Variants in NAXD observed in about 807,000 individuals in gnomAD.
The protein encoded by NAXD is ATP-dependent (S)-NAD(P)H-hydrate dehydratase.
A neutral mutation model predicts 35.8 loss-of-function variants in NAXD; 22 were observed. That is an observed-to-expected ratio of 0.62 (90% CI 0.44 to 0.88). NAXD has a LOEUF of 0.88. Among genes scored for constraint, NAXD ranks in the 40% least tolerant of loss-of-function variants. The pLI is 0.00. For missense variants in NAXD, 428 were observed against 437.7 expected (o/e 0.98, Z 0.20); for synonymous variants, 189 against 177.6 (o/e 1.06, Z -0.51).
chr13:110,630,640 C>T (rs1211342238), intron 5 of NAXD, among the ~76,000 whole-genome samples: 2 of 152,104 alleles, frequency 1.3e-5, no homozygotes, highest in Non-Finnish European at 2.9e-5. Context: ...ATGTTAAGAG[C>T]CTTATTGTTT....
At chr13:110,626,218 T>C (rs1010492432) in intron 4 of NAXD, among the ~76,000 whole-genome samples, 2 of 151,756 alleles carry the variant, frequency 1.3e-5, no homozygotes, top group African/African-American at 4.8e-5. Flanking sequence ...GGTAAGGACC[T>C]GTGGGAGGGA....
At position 110,622,338 on chromosome 13, in the gene NAXD, A is replaced by G; in HGVS notation, c.169A>G (p.Arg57Gly). Reference sequence around the variant, plus strand: ...CACAAAGCACAAAGGGCAAGATGGAAGAATAGGCGTAGTTGGAGGCTGTCA... The same window carrying G: ...CACAAAGCACAAAGGGCAAGATGGAGGAATAGGCGTAGTTGGAGGCTGTCA... ...SSTKHKGQDG[R>G]IGVVGGCQEY... The change falls in exon 2 of 10, where the codon AGA becomes GGA. Residue 57 changes from arginine (R) to glycine (G), a missense_variant. By Grantham distance (125) the Arg-to-Gly change is moderately radical. Around this residue, in one of 3 missense-constraint regions of NAXD, gnomAD observed 208 missense variants for 193.0 expected, o/e 1.08. Coordinates refer to ENST00000680254, the MANE Select transcript of NAXD (RefSeq NM_001242882.2). The G allele has an allele frequency of 3.1e-6, 5 of 1,614,220 alleles. No homozygotes were observed. The highest frequency in any genetic ancestry group is 4.2e-6 in the Non-Finnish European group (5 of 1,180,032).
intron 5 of NAXD, among the ~76,000 whole-genome samples, chr13:110,631,537 A>G (rs1160585231): frequency 5.3e-5 from 8 of 152,220 alleles, no homozygotes; most frequent in Non-Finnish European, 1.0e-4. Context: ...TAGGAGACCC[A>G]TGTAACATTG....
chr13:110,635,949 C>G (rs780103475), intron 8 of NAXD, among the ~76,000 whole-genome samples: 5 of 152,262 alleles, frequency 3.3e-5, no homozygotes, highest in Non-Finnish European at 5.9e-5. Context: ...GTGGCATCCA[C>G]CATCCATGCA....
Position 110,639,611 on chromosome 13 carries a change from G to A in NAXD, c.*1083G>A, listed in dbSNP as rs912512042. ...TCCTGGAGCGGCCTGACGTTGACGT[G>A]TTCTCTGGTCCCATGTCTTAGCGGG... On this transcript the variant is annotated 3_prime_UTR_variant, in exon 10 of 10. Transcript: ENST00000680254. 2.6e-5 allele frequency: 4 copies of A among 152,242 alleles called. No homozygotes were observed. Among genetic ancestry groups the A allele is most frequent in the African/African-American group, 7.2e-5 (3 of 41,444 alleles). The allele number at this position is 152,242 out of a possible 1,614,324, so 9.4% of individuals were successfully genotyped here. A position where few individuals can be genotyped will look rare whatever the true frequency, so the allele number is the denominator to read the frequency against.
chr13:110,625,462 G>GA (rs1886433695), intron 4 of NAXD, among the ~76,000 whole-genome samples, 184 bp downstream of exon 4: 1 of 152,256 alleles, frequency 6.6e-6, no homozygotes. Context: ...GACAGAGACG[G>GA]CGGGGTGGAG....
At chr13:110,620,737 G>A (rs1886235135) in intron 1 of NAXD, among the ~76,000 whole-genome samples, 1 of 152,216 alleles carries the variant, frequency 6.6e-6, no homozygotes. Context: ...AACTGTAAGA[G>A]TTAAAAGACA....
chr13:110,630,653 G>A (rs990955422), intron 5 of NAXD, among the ~76,000 whole-genome samples: 2 of 152,106 alleles, frequency 1.3e-5, no homozygotes, highest in African/African-American at 4.8e-5. Context: ...TATTGTTTTG[G>A]TTGTTACTTT....
chr13:110,618,683 T>C (rs1344941964), intron 1 of NAXD, among the ~76,000 whole-genome samples: 1 of 152,216 alleles, frequency 6.6e-6, no homozygotes, highest in African/African-American at 2.4e-5. Flanking sequence ...TGATATCTTA[T>C]CATTTTAACA....
At chr13:110,637,048 G>A in intron 8 of NAXD, 81 bp from the exon 9 acceptor site, 1 of 1,484,658 alleles carries the variant, frequency 6.7e-7, no homozygotes, top group Non-Finnish European at 8.9e-7. Flanking sequence ...TGCCTGCCGT[G>A]CGGCCTTCCA....
At chr13:110,624,713 C>T (rs1178832357) in intron 3 of NAXD, among the ~76,000 whole-genome samples, 3 of 152,252 alleles carry the variant, frequency 2.0e-5, no homozygotes, top group African/African-American at 7.2e-5. Context: ...CCATGCGCCT[C>T]GGCCTCCCGA....
intron 5 of NAXD, among the ~76,000 whole-genome samples, chr13:110,631,228 C>T (rs558136645): frequency 1.3e-5 from 2 of 152,290 alleles, no homozygotes; most frequent in Admixed American, 1.3e-4. Context: ...GAGACTTTTT[C>T]ATGGAAGGAT....
rs764210948 is a variant in NAXD at position 110,638,202 on chromosome 13, A to G, written c.840-176A>G. The G allele has an allele frequency of 7.9e-6, 12 of 1,524,726 alleles. 1 individual carries two copies. The Admixed American group carries it at 2.5e-4, about 32-fold the overall frequency. The allele number at this position is 1,524,726 out of a possible 1,614,324, so 94.4% of individuals were successfully genotyped here. On this transcript the variant is annotated intron_variant, in intron 9 of 9. Coordinates refer to ENST00000680254, the MANE Select transcript of NAXD (RefSeq NM_001242882.2). The surrounding 1 kb of genome is among the most constrained non-coding windows in gnomAD (Gnocchi z 5.4). ...TCCTGCCAGGGAGTAGTGGAGGGTT[A>G]ATGGTGGTTTTCGCTGTGATAAACC... is the stretch of plus-strand genomic sequence containing the variant.
In NAXD at chr13:110,637,109, C is replaced by T. The variant is rs1293536374; in HGVS notation, c.719-20C>T. Reference sequence around the variant, plus strand: ...ACACATGGCCATGCTGACACCTGCTCTCACTTCTGCCCTGTGCAGTGCTTG... The same window carrying T: ...ACACATGGCCATGCTGACACCTGCTTTCACTTCTGCCCTGTGCAGTGCTTG... On this transcript the variant is annotated intron_variant, in intron 8 of 9. Transcript: ENST00000680254. The T allele has an allele frequency of 2.3e-5, 37 of 1,590,620 alleles. No homozygotes were observed. Among genetic ancestry groups the T allele is most frequent in the Non-Finnish European group, 2.7e-5 (32 of 1,171,686 alleles).
intron 1 of NAXD, among the ~76,000 whole-genome samples, chr13:110,617,879 C>T (rs1347733516): frequency 1.3e-5 from 2 of 152,178 alleles, no homozygotes; most frequent in Non-Finnish European, 2.9e-5. Context: ...TTGACTTCAT[C>T]GAACATGTAT....
intron 5 of NAXD, among the ~76,000 whole-genome samples, chr13:110,630,027 T>TTTTTG (rs975658891): frequency 1.3e-5 from 2 of 152,012 alleles, no homozygotes; most frequent in Admixed American, 6.5e-5. Context: ...TTTTTTTTTG[T>TTTTTG]TTTTGTTTTG....
In NAXD at chr13:110,638,733, G is replaced by A. The variant is rs1698397954; in HGVS notation, c.*205G>A. ...TTAATGCATGGTTGGAGATGTTATG[G>A]CGACACTAAACAAAGTATTCCTGAA... On this transcript the variant is annotated 3_prime_UTR_variant, in exon 10 of 10. Transcript: ENST00000680254. The surrounding 1 kb of genome is among the most constrained non-coding windows in gnomAD (Gnocchi z 5.4). The A allele has an allele frequency of 1.4e-6, 1 of 714,040 alleles. No individual in the cohort carries two copies. Among genetic ancestry groups the A allele is most frequent in the African/African-American group, 1.7e-5 (1 of 57,438 alleles). 44.2% of individuals were successfully genotyped at this position (714,040 alleles called of 1,614,324 possible). A position where few individuals can be genotyped will look rare whatever the true frequency, so the allele number is the denominator to read the frequency against.
chr13:110,636,817 A>G (rs1428450802), intron 8 of NAXD, among the ~76,000 whole-genome samples: 1 of 152,226 alleles, frequency 6.6e-6, no homozygotes, highest in Non-Finnish European at 1.5e-5. Context: ...CGCCCTGCTC[A>G]GAGCTGCCTG....
intron 5 of NAXD, among the ~76,000 whole-genome samples, chr13:110,629,530 G>A (rs762616426): frequency 1.6e-4 from 24 of 152,150 alleles, no homozygotes; most frequent in Non-Finnish European, 3.4e-4. Flanking sequence ...CTCTGGATTC[G>A]CCTGTTCAGG....
Sources: gnomAD v4.1 joint callset for allele counts (sites outside exome capture counted in the v4.1 genomes callset) on GRCh38, gnomAD v4.1.1 for gene constraint, gnomAD v4.1.1 regional missense constraint, Gnocchi (gnomAD v3.1) non-coding constraint, MANE v1.5 for transcripts, NCBI Gene and HGNC (gene_info 2026-07-23, HGNC 2026-07-21) for gene names.